The following TENM2 variants were observed in gnomAD, a reference collection of about 807,000 sequenced individuals.
The protein encoded by TENM2 is teneurin-2.
A neutral mutation model predicts 245.2 loss-of-function variants in TENM2; 52 were observed. The ratio of observed to expected loss-of-function variants is 0.21; its 90% CI spans 0.17 to 0.27. TENM2 has a LOEUF of 0.27. TENM2 is among the 10% of genes least tolerant of loss of function. The pLI is 1.00. For missense variants in TENM2, 3,046 were observed against 3,666.8 expected, an observed-to-expected ratio of 0.83 and a Z score of 4.37; for synonymous variants, 1,363 against 1,438.9, an observed-to-expected ratio of 0.95 and a Z score of 1.19.
chr5:167,669,261 A>G (rs563066498), intron 2 of TENM2, among the ~76,000 whole-genome samples: 2 of 152,336 alleles, frequency 1.3e-5, no homozygotes, highest in African/African-American at 4.8e-5. Flanking sequence ...TGGGAAAAAG[A>G]GTGATGCATT....
intron 2 of TENM2, among the ~76,000 whole-genome samples, chr5:167,734,096 A>G (rs1359462799): frequency 6.6e-6 from 1 of 152,000 alleles, no homozygotes; most frequent in East Asian, 1.9e-4. Flanking sequence ...GACTTTGGGG[A>G]TTTTCTGTAA....
rs1773386243 is a variant in TENM2 at position 167,875,941 on chromosome 5, G to GT, written c.503-44dup. 5 of 1,371,902 alleles carry GT rather than the reference G, an allele frequency of 3.6e-6. No homozygotes were observed. In the East Asian group the frequency reaches 1.3e-4, roughly 34 times the overall value. 85.0% of individuals were successfully genotyped at this position (1,371,902 alleles called of 1,614,324 possible). A position where few individuals can be genotyped will look rare whatever the true frequency, so the allele number is the denominator to read the frequency against. On this transcript the variant is annotated intron_variant, in intron 2 of 28. Coordinates refer to ENST00000518659, the Ensembl canonical transcript of TENM2. ...AATGTAACTTTCTTGGGGTGCTCTC[G>GT]TGACACTCATTGCTGACCTTTGACC...
At chr5:168,020,320 T>G (rs1392106817) in intron 5 of TENM2, among the ~76,000 whole-genome samples, 2 of 152,216 alleles carry the variant, frequency 1.3e-5, no homozygotes, top group Non-Finnish European at 2.9e-5. Context: ...ACCCAGACCC[T>G]TAGACCTCAA....
chr5:167,671,114 G>A (rs555232242), intron 2 of TENM2, among the ~76,000 whole-genome samples: 7 of 152,200 alleles, frequency 4.6e-5, no homozygotes, highest in Admixed American at 2.0e-4. Flanking sequence ...GAAGTATAGA[G>A]GATATAGAAG....
chr5:168,216,181 A>C (rs1763177088), intron 21 of TENM2, among the ~76,000 whole-genome samples: 1 of 152,166 alleles, frequency 6.6e-6, no homozygotes, highest in Non-Finnish European at 1.5e-5. Flanking sequence ...CACAAAATAA[A>C]TAGAAGCCAT....
chr5:167,348,038 G>C (rs988524752), intron 1 of TENM2, among the ~76,000 whole-genome samples: 15 of 152,212 alleles, frequency 9.9e-5, no homozygotes, highest in Admixed American at 9.2e-4. Context: ...CAGCAGGCAA[G>C]GGAATGTTCC....
At chr5:168,091,442 T>C (rs1792931299) in intron 8 of TENM2, among the ~76,000 whole-genome samples, 1 of 152,164 alleles carries the variant, frequency 6.6e-6, no homozygotes, top group East Asian at 1.9e-4. Context: ...TACAAAGCTC[T>C]AAAAGGGTCA....
the TENM2 span, among the ~76,000 whole-genome samples, chr5:167,084,355 A>ATATATATATATATATATATATG: frequency 4.6e-5 from 5 of 109,346 alleles, no homozygotes; most frequent in African/African-American, 1.7e-4. Flanking sequence ...ATATATATAT[A>ATATATATATATATATATATATG]TATATATATA....
At chr5:168,039,148 T>G (rs1581134490) in intron 5 of TENM2, among the ~76,000 whole-genome samples, 1 of 152,204 alleles carries the variant, frequency 6.6e-6, no homozygotes, top group South Asian at 2.1e-4. Context: ...CAGTGCTCAT[T>G]GCACATCTAC....
chr5:167,423,819 A>G (rs1360574742), intron 2 of TENM2, among the ~76,000 whole-genome samples: 1 of 152,146 alleles, frequency 6.6e-6, no homozygotes, highest in African/African-American at 2.4e-5. Flanking sequence ...GTGTTCTGAA[A>G]TTCATGGGTA....
chr5:166,979,694 G>T, the TENM2 span, among the ~76,000 whole-genome samples: 1 of 151,724 alleles, frequency 6.6e-6, no homozygotes, highest in African/African-American at 2.4e-5. Context: ...GGTTTTCTAT[G>T]TATTTTTTTT....
chr5:167,963,554 C>T (rs1250752947), intron 4 of TENM2, among the ~76,000 whole-genome samples: 1 of 152,164 alleles, frequency 6.6e-6, no homozygotes, highest in Non-Finnish European at 1.5e-5. Flanking sequence ...TTACAAACAG[C>T]TTGACCACCC....
chr5:167,134,736 C>T, the TENM2 span, among the ~76,000 whole-genome samples: 22 of 152,284 alleles, frequency 1.4e-4, no homozygotes, highest in African/African-American at 4.6e-4. Flanking sequence ...GAGCCATTAC[C>T]AGTTTGGCTG....
intron 4 of TENM2, among the ~76,000 whole-genome samples, chr5:167,959,835 GA>G: frequency 6.6e-6 from 1 of 152,288 alleles, no homozygotes; most frequent in East Asian, 1.9e-4. Flanking sequence ...CATCTGTGTG[GA>G]TTTATCTACC....
Position 167,300,612 on chromosome 5 carries a change from T to C in TENM2, c.226+15549T>C, listed in dbSNP as rs1458541246. Among the ~76,000 whole-genome samples the C allele has an allele frequency of 5.9e-5, 9 of 152,270 alleles. No homozygotes were observed. The East Asian group carries it at 1.6e-3, about 26-fold the overall frequency. The stretch of plus-strand genomic sequence containing the variant: ...GAGTGATAACAGGCTCTAATCCTTT[T>C]AAAGCGTGCTGTGGGATGGGATATT... On this transcript the variant is annotated intron_variant, in intron 1 of 28. Coordinates refer to ENST00000518659, the Ensembl canonical transcript of TENM2.
the TENM2 span, among the ~76,000 whole-genome samples, chr5:167,069,632 A>G: frequency 6.6e-6 from 1 of 152,172 alleles, no homozygotes; most frequent in Non-Finnish European, 1.5e-5. Context: ...CTTATGCACA[A>G]TTTTGTCTAT....
chr5:168,238,268 A>AGAAAAGAAGAAAG (rs1765766850), intron 25 of TENM2, among the ~76,000 whole-genome samples: 1 of 120,830 alleles, frequency 8.3e-6, no homozygotes, highest in African/African-American at 3.6e-5. Flanking sequence ...AGAAAAGAAA[A>AGAAAAGAAGAAAG]GAAAAGAAAA....
intron 7 of TENM2, among the ~76,000 whole-genome samples, chr5:168,068,687 A>G (rs1790717062): frequency 6.6e-6 from 1 of 152,118 alleles, no homozygotes; most frequent in South Asian, 2.1e-4. Flanking sequence ...TATCGAAAAA[A>G]ACATACTAAA....
intron 2 of TENM2, among the ~76,000 whole-genome samples, chr5:167,455,875 C>G (rs1340152089): frequency 6.6e-6 from 1 of 152,136 alleles, no homozygotes; most frequent in Non-Finnish European, 1.5e-5. Flanking sequence ...TATTACAAAT[C>G]AATTTCATAG....
Sources: allele counts gnomAD v4.1 joint callset (sites outside exome capture counted in the v4.1 genomes callset), GRCh38; gene constraint gnomAD v4.1.1; transcripts MANE v1.5; gene names NCBI Gene and HGNC (gene_info 2026-07-23, HGNC 2026-07-21).